The following PDE11A variants were observed in gnomAD, a reference collection of about 807,000 sequenced individuals.
The protein encoded by PDE11A is dual 3',5'-cyclic-AMP and -GMP phosphodiesterase 11A.
In PDE11A, 100 loss-of-function variants were observed where a neutral mutation model predicts 100.5. The ratio of observed to expected loss-of-function variants is 1.00; its 90% CI spans 0.85 to 1.18. PDE11A has a LOEUF of 1.18. Among genes scored for constraint, PDE11A ranks in the 50% most tolerant of loss-of-function variants. PDE11A has a pLI of 0.00. For missense variants in PDE11A, 1,141 were observed against 1,152.6 expected (o/e 0.99, Z 0.15); for synonymous variants, 381 against 420.8 (o/e 0.91, Z 1.16).
chr2:177,694,741 A>G (rs1025218081), intron 15 of PDE11A, among the ~76,000 whole-genome samples: 1 of 152,224 alleles, frequency 6.6e-6, no homozygotes, highest in Non-Finnish European at 1.5e-5. Flanking sequence ...AAGAGATACA[A>G]TGAAATATAG....
chr2:177,991,401 C>T (rs1328889691), intron 2 of PDE11A, among the ~76,000 whole-genome samples: 1 of 150,342 alleles, frequency 6.7e-6, no homozygotes, highest in Non-Finnish European at 1.5e-5. Flanking sequence ...TTTGGGAGGC[C>T]AAGGCGGGCA....
intron 5 of PDE11A, 52 bp from the exon 6 acceptor site, chr2:177,840,435 T>C (rs1239880962): frequency 1.9e-6 from 3 of 1,554,366 alleles, no homozygotes; most frequent in East Asian, 2.2e-5. Flanking sequence ...GTAAGTTTTC[T>C]TGAAAGGAAA....
At chr2:177,776,952 T>C (rs2082386550) in intron 9 of PDE11A, among the ~76,000 whole-genome samples, 1 of 152,114 alleles carries the variant, frequency 6.6e-6, no homozygotes, top group Non-Finnish European at 1.5e-5. Flanking sequence ...CTCATGATAG[T>C]GAGTCCTCAT....
intron 2 of PDE11A, among the ~76,000 whole-genome samples, chr2:177,916,729 T>TTCTTA (rs2084958373): frequency 6.7e-6 from 1 of 149,276 alleles, no homozygotes; most frequent in South Asian, 2.1e-4. Context: ...TTGAAGGTTC[T>TTCTTA]TTTTATTTTA....
At chr2:177,713,245 G>A (rs1448680978) in intron 12 of PDE11A, among the ~76,000 whole-genome samples, 2 of 152,126 alleles carry the variant, frequency 1.3e-5, no homozygotes, top group East Asian at 3.9e-4. Flanking sequence ...CTGACATCAG[G>A]TGATCCACCC....
intron 2 of PDE11A, among the ~76,000 whole-genome samples, chr2:178,009,077 G>C (rs752164282): frequency 3.9e-5 from 6 of 152,228 alleles, no homozygotes; most frequent in Admixed American, 6.5e-5. Flanking sequence ...TGGGAAGGCA[G>C]ATAAGAGCCC....
chr2:177,787,207 A>T (rs2082550797), intron 9 of PDE11A, among the ~76,000 whole-genome samples: 1 of 148,350 alleles, frequency 6.7e-6, no homozygotes, highest in Non-Finnish European at 1.5e-5. Context: ...AAACTCTACA[A>T]GCCAGAAGAG....
At chr2:177,901,385 C>T (rs555497125) in intron 3 of PDE11A, among the ~76,000 whole-genome samples, 2 of 152,172 alleles carry the variant, frequency 1.3e-5, no homozygotes, top group Non-Finnish European at 2.9e-5. Context: ...AACTCTGATC[C>T]AGGGAGACTG....
At chr2:177,968,852 C>T (rs2085731888) in intron 2 of PDE11A, among the ~76,000 whole-genome samples, 1 of 152,210 alleles carries the variant, frequency 6.6e-6, no homozygotes, top group South Asian at 2.1e-4. Flanking sequence ...TTGTGTAAGA[C>T]AGTGTGGTGA....
intron 1 of PDE11A, among the ~76,000 whole-genome samples, chr2:178,052,164 T>C (rs1235337779): frequency 2.6e-5 from 4 of 152,176 alleles, no homozygotes; most frequent in East Asian, 1.9e-4. Flanking sequence ...ACAAACTGTC[T>C]CTCAGACCAC....
intron 1 of PDE11A, among the ~76,000 whole-genome samples, chr2:178,054,825 C>A (rs984554356): frequency 4.6e-5 from 7 of 151,964 alleles, no homozygotes; most frequent in African/African-American, 1.2e-4. Flanking sequence ...TTAGAATGGA[C>A]ATCATTAAAA....
chr2:178,084,404 A>C (rs1372269410), intron 2 of PDE11A, among the ~76,000 whole-genome samples: 2 of 152,176 alleles, frequency 1.3e-5, no homozygotes, highest in Non-Finnish European at 2.9e-5. Flanking sequence ...CTTCAAGTAA[A>C]ATTGCACAAT....
In PDE11A at chr2:178,071,817, T is replaced by G; in HGVS notation, c.621A>C (p.Glu207Asp). Residue 207 changes from glutamate (E) to aspartate (D), a missense_variant, in exon 1 of 20, where the codon GAA becomes GAC. Transcript: ENST00000286063. Reference protein sequence around the residue: ...KKHNERQFFLELVKDISNDLD... With the variant: ...KKHNERQFFLDLVKDISNDLD... ...GGTCATTGGAGATATCTTTGACCAA[T>G]TCCAGAAAGAACTGACGCTCATTAT... The G allele has an allele frequency of 6.2e-7, 1 of 1,613,940 alleles. No individual in the cohort carries two copies. Among genetic ancestry groups the G allele is most frequent in the Non-Finnish European group, 8.5e-7 (1 of 1,179,838 alleles).
Position 177,983,041 on chromosome 2 carries a change from A to G in PDE11A, c.1071+31261T>C, listed in dbSNP as rs2085901749. On this transcript the variant is annotated intron_variant, in intron 2 of 19. Transcript: ENST00000286063. ...CAGTGACCTGAGATCGCGCCATTAC[A>G]CTCCAGCATGGGTGACAGAGTGAGA... Among the ~76,000 whole-genome samples the G allele has an allele frequency of 1.3e-5, 2 of 150,554 alleles. 1 individual carries two copies. The highest frequency in any genetic ancestry group is 4.3e-4 in the South Asian group (2 of 4,628).
intron 19 of PDE11A, among the ~76,000 whole-genome samples, chr2:177,635,594 A>T (rs1383690617): frequency 2.0e-5 from 3 of 152,238 alleles, no homozygotes; most frequent in Non-Finnish European, 4.4e-5. Flanking sequence ...ACATTCACAT[A>T]GTTCCATGGA....
chr2:178,102,049 A>C (rs771893203), intron 2 of PDE11A, among the ~76,000 whole-genome samples: 14 of 151,900 alleles, frequency 9.2e-5, no homozygotes, highest in Non-Finnish European at 1.9e-4. Flanking sequence ...CTGCAGCCTT[A>C]ACCTCCTGGG....
intron 2 of PDE11A, among the ~76,000 whole-genome samples, chr2:177,963,073 G>A (rs1261439474): frequency 6.6e-6 from 1 of 152,068 alleles, no homozygotes; most frequent in Non-Finnish European, 1.5e-5. Context: ...CCTTCTGTAG[G>A]AAAAATAAAT....
At chr2:178,101,194 G>A (rs776623962) in intron 2 of PDE11A, among the ~76,000 whole-genome samples, 6 of 152,090 alleles carry the variant, frequency 3.9e-5, no homozygotes, top group African/African-American at 1.2e-4. Flanking sequence ...CAACCTCATC[G>A]ACTTCAATAA....
chr2:177,784,869 TA>T (rs1558936843), intron 9 of PDE11A, among the ~76,000 whole-genome samples: 1 of 152,270 alleles, frequency 6.6e-6, no homozygotes, highest in Non-Finnish European at 1.5e-5. Flanking sequence ...TGAATTGCCC[TA>T]GGCTTGTAGT....
Sources: allele counts gnomAD v4.1 joint callset (sites outside exome capture counted in the v4.1 genomes callset), GRCh38; gene constraint gnomAD v4.1.1; transcripts MANE v1.5; gene names NCBI Gene and HGNC (gene_info 2026-07-23, HGNC 2026-07-21).